The following COG5 variants were observed in gnomAD, a reference collection of about 807,000 sequenced individuals.
The protein encoded by COG5 is component of oligomeric golgi complex 5.
A neutral mutation model predicts 110.4 loss-of-function variants in COG5; 86 were observed. The ratio of observed to expected loss-of-function variants is 0.78; its 90% CI spans 0.65 to 0.93. The LOEUF (loss-of-function observed/expected upper bound fraction) is 0.93. Among genes scored for constraint, COG5 ranks in the 40% least tolerant of loss-of-function variants. The pLI is 0.00. For missense variants in COG5, 1,077 were observed against 987.0 expected (o/e 1.09, Z -1.22); for synonymous variants, 360 against 334.6 (o/e 1.08, Z -0.83).
At chr7:107,324,351 G>A (rs1809572248) in intron 11 of COG5, 89 bp downstream of exon 11, 3 of 829,286 alleles carry the variant, frequency 3.6e-6, no homozygotes, top group Admixed American at 2.4e-5. Context: ...AAAATGTTTT[G>A]TAAACCAATA....
intron 6 of COG5, among the ~76,000 whole-genome samples, chr7:107,451,556 T>C (rs189976308): frequency 4.6e-5 from 7 of 152,246 alleles, no homozygotes; most frequent in Admixed American, 3.9e-4. Flanking sequence ...ACACTGAGTG[T>C]GCCTGCCTTT....
At chr7:107,391,473 G>A (rs557895594) in intron 7 of COG5, among the ~76,000 whole-genome samples, 6 of 152,016 alleles carry the variant, frequency 3.9e-5, no homozygotes, top group Non-Finnish European at 5.9e-5. Flanking sequence ...CTGTGCAAAC[G>A]TTTACAAGTT....
At chr7:107,448,397 A>G (rs576849362) in intron 6 of COG5, among the ~76,000 whole-genome samples, 4 of 152,014 alleles carry the variant, frequency 2.6e-5, no homozygotes, top group African/African-American at 9.7e-5. Context: ...CTACTCTTCA[A>G]CTCTCATCTA....
At chr7:107,552,079 G>A (rs79614319) in intron 3 of COG5, among the ~76,000 whole-genome samples, 1,888 of 152,162 alleles carry the variant, frequency 0.012, 53 homozygotes, top group African/African-American at 0.041. Flanking sequence ...ACATCATTCT[G>A]GGAAAAACAA....
intron 6 of COG5, among the ~76,000 whole-genome samples, chr7:107,444,164 T>C (rs1794875875): frequency 6.6e-6 from 1 of 152,212 alleles, no homozygotes; most frequent in East Asian, 1.9e-4. Context: ...CTGGTCTCTC[T>C]ATGTCCCTCT....
chr7:107,265,110 A>G (rs1803691468), intron 14 of COG5, among the ~76,000 whole-genome samples: 1 of 152,188 alleles, frequency 6.6e-6, no homozygotes, highest in Non-Finnish European at 1.5e-5. Flanking sequence ...AATTTCATAA[A>G]TTATAAACAT....
chr7:107,305,836 G>A (rs1228503986), intron 11 of COG5, among the ~76,000 whole-genome samples: 2 of 151,962 alleles, frequency 1.3e-5, no homozygotes, highest in Non-Finnish European at 2.9e-5. Flanking sequence ...AGGCAATAGA[G>A]AGACCGCCTG....
At chr7:107,441,453 C>T (rs1261250041) in intron 6 of COG5, among the ~76,000 whole-genome samples, 1 of 151,996 alleles carries the variant, frequency 6.6e-6, no homozygotes, top group Non-Finnish European at 1.5e-5. Flanking sequence ...GCCTTTTTAG[C>T]CCTTCACTGT....
At chr7:107,452,990 AAT>A in intron 6 of COG5, among the ~76,000 whole-genome samples, 1 of 152,290 alleles carries the variant, frequency 6.6e-6, no homozygotes, top group South Asian at 2.1e-4. Flanking sequence ...CCTTATACTT[AAT>A]CTTTAGTACT....
At chr7:107,555,820 T>C (rs1436597192) in intron 2 of COG5, among the ~76,000 whole-genome samples, 2 of 152,080 alleles carry the variant, frequency 1.3e-5, no homozygotes, top group African/African-American at 4.8e-5. Flanking sequence ...GAGACCAGCC[T>C]GGCCAACATG....
chr7:107,326,863 C>G (rs949400335), intron 10 of COG5, among the ~76,000 whole-genome samples: 1 of 152,100 alleles, frequency 6.6e-6, no homozygotes, highest in Admixed American at 6.6e-5. Context: ...AGCTAGAGGC[C>G]TCAGACTTCC....
chr7:107,509,938 C>A (rs1799369421), intron 6 of COG5, among the ~76,000 whole-genome samples: 1 of 152,114 alleles, frequency 6.6e-6, no homozygotes, highest in South Asian at 2.1e-4. Context: ...CCAGCCACTG[C>A]AAAAACATGA....
At chr7:107,376,344 G>A (rs1814637435) in intron 7 of COG5, among the ~76,000 whole-genome samples, 1 of 151,808 alleles carries the variant, frequency 6.6e-6, no homozygotes, top group Non-Finnish European at 1.5e-5. Flanking sequence ...GTTTGAGATT[G>A]CATTAACTCT....
intron 10 of COG5, among the ~76,000 whole-genome samples, chr7:107,331,595 T>G (rs1810253364): frequency 6.6e-6 from 1 of 152,144 alleles, no homozygotes; most frequent in Non-Finnish European, 1.5e-5. Flanking sequence ...AAAAGGTACC[T>G]TTCTATGGCC....
chr7:107,294,432 C>T (rs1214504320), intron 12 of COG5, among the ~76,000 whole-genome samples: 1 of 152,112 alleles, frequency 6.6e-6, no homozygotes, highest in East Asian at 1.9e-4. Context: ...TTCCATCTTC[C>T]ACTTCTCCAA....
At chr7:107,525,991 T>C (rs775461142) in intron 6 of COG5, among the ~76,000 whole-genome samples, 9 of 152,196 alleles carry the variant, frequency 5.9e-5, no homozygotes, top group South Asian at 2.1e-4. Flanking sequence ...CAGTATACAA[T>C]TGCAATGCTG....
At chr7:107,230,320 A>G (rs959031105) in intron 19 of COG5, among the ~76,000 whole-genome samples, 1 of 152,170 alleles carries the variant, frequency 6.6e-6, no homozygotes, top group African/African-American at 2.4e-5. Context: ...TTACATTTCT[A>G]TAAGAATCGG....
chr7:107,455,691 T>G (rs976093445), intron 6 of COG5, among the ~76,000 whole-genome samples: 1 of 152,170 alleles, frequency 6.6e-6, no homozygotes, highest in Non-Finnish European at 1.5e-5. Context: ...TCATAGGGCA[T>G]AAATTTGTAT....
chr7:107,240,866 T>A (rs1272920325), intron 17 of COG5, among the ~76,000 whole-genome samples: 1 of 152,232 alleles, frequency 6.6e-6, no homozygotes, highest in African/African-American at 2.4e-5. Flanking sequence ...TGTACTGCTA[T>A]ATATGAATAA....
Sources: allele counts gnomAD v4.1 joint callset (sites outside exome capture counted in the v4.1 genomes callset), GRCh38; gene constraint gnomAD v4.1.1; transcripts MANE v1.5; gene names NCBI Gene and HGNC (gene_info 2026-07-23, HGNC 2026-07-21).